Variants in HIGD1A observed in about 807,000 individuals in gnomAD.
HIGD1A encodes HIG1 hypoxia inducible domain family member 1A, also known as HIG1 domain family member 1A, mitochondrial.
In HIGD1A, 8 loss-of-function variants were observed where a neutral mutation model predicts 11.3. The observed-to-expected ratio is 0.71, with a 90% confidence interval of 0.42 to 1.28. The LOEUF is 1.28. HIGD1A is among the 50% of genes most tolerant of loss of function. The pLI is 0.01. For missense variants in HIGD1A, 107 were observed against 118.8 expected, an observed-to-expected ratio of 0.90 and a Z score of 0.46; for synonymous variants, 32 against 38.4, an observed-to-expected ratio of 0.83 and a Z score of 0.62.
chr3:42,801,320 G>C (rs1461059321), intron 1 of HIGD1A, among the ~76,000 whole-genome samples: 2 of 152,092 alleles, frequency 1.3e-5, no homozygotes, highest in African/African-American at 4.8e-5. Context: ...AGAAATTTTT[G>C]TCTCTTTAAG....
chr3:42,794,040 C>G (rs1700462043), intron 2 of HIGD1A, 117 bp downstream of exon 2: 7 of 985,194 alleles, frequency 7.1e-6, no homozygotes, highest in Non-Finnish European at 1.0e-5. Context: ...ATGCCAATCT[C>G]AGCATATTTC....
chr3:42,804,370 GC>G (rs994474714), intron 1 of HIGD1A, 65 bp downstream of exon 1: 3 of 564,040 alleles, frequency 5.3e-6, no homozygotes, highest in Non-Finnish European at 9.2e-6. Context: ...GCCAAGCGCT[GC>G]CCCACTTCTT....
intron 2 of HIGD1A, among the ~76,000 whole-genome samples, chr3:42,789,993 A>C (rs1437761585): frequency 6.6e-6 from 1 of 152,138 alleles, no homozygotes; most frequent in African/African-American, 2.4e-5. Flanking sequence ...AAGCACTGGG[A>C]TTACAGGAAT....
intron 1 of HIGD1A, among the ~76,000 whole-genome samples, chr3:42,799,343 C>T (rs867401969): frequency 1.6e-4 from 24 of 150,430 alleles, no homozygotes; most frequent in African/African-American, 5.9e-4. Flanking sequence ...TCCAGCTGCA[C>T]GACTCCTAAA....
intron 2 of HIGD1A, among the ~76,000 whole-genome samples, chr3:42,791,665 C>G (rs1266853209): frequency 6.6e-6 from 1 of 152,140 alleles, no homozygotes; most frequent in African/African-American, 2.4e-5. Flanking sequence ...GTCGTCAATA[C>G]AGCAATGGTT....
intron 2 of HIGD1A, among the ~76,000 whole-genome samples, chr3:42,791,807 TGACTTAAAA>T (rs1250282903): frequency 6.6e-6 from 1 of 152,176 alleles, no homozygotes; most frequent in Admixed American, 6.5e-5. Context: ...ATGACTTAAA[TGACTTAAAA>T]GTCATAAATG....
chr3:42,794,280 G>C lies in HIGD1A; in HGVS notation c.-22-5C>G. ...GTGATTGCTTGAAGAATCTCCCTGA[G>C]AAAGAATTTCTATGAGGTTCTGTAA... On this transcript the variant is annotated splice_region_variant and splice_polypyrimidine_tract_variant and intron_variant, in intron 1 of 3. Coordinates refer to ENST00000321331, the MANE Select transcript of HIGD1A (RefSeq NM_014056.4). 6.4e-7 allele frequency: 1 copy of C among 1,559,624 alleles called. No individual in the cohort carries two copies. The highest frequency in any genetic ancestry group is 1.4e-5 in the African/African-American group (1 of 71,534).
chr3:42,794,700 T>C (rs548470849), intron 1 of HIGD1A, among the ~76,000 whole-genome samples: 24 of 152,334 alleles, frequency 1.6e-4, no homozygotes, highest in Non-Finnish European at 2.8e-4. Flanking sequence ...ATGTTGGAAA[T>C]CCTACTTAGC....
chr3:42,794,494 T>C (rs996959080), intron 1 of HIGD1A, among the ~76,000 whole-genome samples: 1 of 152,190 alleles, frequency 6.6e-6, no homozygotes, highest in African/African-American at 2.4e-5. Flanking sequence ...TATTTTGCCG[T>C]TTCCCCTGTA....
intron 1 of HIGD1A, among the ~76,000 whole-genome samples, chr3:42,800,290 C>T (rs1413865584): frequency 1.3e-5 from 2 of 151,796 alleles, no homozygotes; most frequent in Admixed American, 6.6e-5. Context: ...AATTGTGCAA[C>T]TGCACTCCAG....
chr3:42,800,846 T>A (rs923436798), intron 1 of HIGD1A, among the ~76,000 whole-genome samples: 6 of 151,834 alleles, frequency 4.0e-5, no homozygotes, highest in African/African-American at 1.5e-4. Context: ...AAAAAAAAAG[T>A]ATCTCCGTTT....
At chr3:42,795,938 G>A (rs991339855) in intron 1 of HIGD1A, among the ~76,000 whole-genome samples, 33 of 152,182 alleles carry the variant, frequency 2.2e-4, no homozygotes, top group African/African-American at 7.2e-4. Context: ...GAAGCATAGT[G>A]TAAGCATACA....
At chr3:42,793,319 T>G (rs960174542) in intron 2 of HIGD1A, among the ~76,000 whole-genome samples, 7 of 152,186 alleles carry the variant, frequency 4.6e-5, no homozygotes, top group African/African-American at 7.2e-5. Flanking sequence ...GGAGACTGAA[T>G]AGCTAATTTC....
At chr3:42,789,717 AATTTTT>A (rs1700397040) in intron 2 of HIGD1A, among the ~76,000 whole-genome samples, 1 of 151,972 alleles carries the variant, frequency 6.6e-6, no homozygotes, top group African/African-American at 2.4e-5. Context: ...TTCCATTTTT[AATTTTT>A]ATCTATTTAT....
At chr3:42,792,436 G>A (rs771837721) in intron 2 of HIGD1A, among the ~76,000 whole-genome samples, 6 of 152,122 alleles carry the variant, frequency 3.9e-5, no homozygotes, top group Non-Finnish European at 8.8e-5. Context: ...CACTTTGGGA[G>A]GCCGAGGCGG....
chr3:42,788,877 A>G (rs989720505), intron 2 of HIGD1A, among the ~76,000 whole-genome samples: 4 of 151,858 alleles, frequency 2.6e-5, no homozygotes, highest in Admixed American at 6.6e-5. Context: ...GACTGTCTCC[A>G]AAAACTAAAA....
chr3:42,788,751 G>A (rs549698576), intron 2 of HIGD1A, among the ~76,000 whole-genome samples: 3 of 151,792 alleles, frequency 2.0e-5, no homozygotes, highest in East Asian at 2.0e-4. Flanking sequence ...GTGTGGTGGC[G>A]GGAGTAGTCC....
rs1309509088 is a variant in HIGD1A, at chr3:42,804,403, C to G, written c.-23+33G>C. 6 of 521,710 alleles carry G rather than the reference C, an allele frequency of 1.2e-5. No homozygotes were observed. In the Admixed American group the frequency reaches 1.5e-4, roughly 13 times the overall value. 32.3% of individuals were successfully genotyped at this position (521,710 alleles called of 1,614,324 possible). A position where few individuals can be genotyped will look rare whatever the true frequency, so the allele number is the denominator to read the frequency against. The stretch of plus-strand genomic sequence containing the variant: ...TCTTCCCGCCCCGCGGCCCGAGTCC[C>G]TGGCTCGCAGTCCCCCGGCTTGTTT... On this transcript the variant is annotated intron_variant, in intron 1 of 3. Coordinates refer to ENST00000321331, the MANE Select transcript of HIGD1A (RefSeq NM_014056.4).
chr3:42,801,645 C>T (rs1454716432), intron 1 of HIGD1A, among the ~76,000 whole-genome samples: 1 of 152,154 alleles, frequency 6.6e-6, no homozygotes, highest in Non-Finnish European at 1.5e-5. Flanking sequence ...AAATGCCTAA[C>T]TGTATGTACC....
Sources: gnomAD v4.1 joint callset for allele counts (sites outside exome capture counted in the v4.1 genomes callset) on GRCh38, gnomAD v4.1.1 for gene constraint, MANE v1.5 for transcripts, NCBI Gene and HGNC (gene_info 2026-07-23, HGNC 2026-07-21) for gene names.